LSG1: variants seen among roughly 807,000 people sequenced by gnomAD.
The protein encoded by LSG1 is large subunit GTPase 1 homolog.
In LSG1, 55 loss-of-function variants were observed where a neutral mutation model predicts 82.6. The ratio of observed to expected loss-of-function variants is 0.67; its 90% CI spans 0.54 to 0.83. The LOEUF (loss-of-function observed/expected upper bound fraction) is 0.83, where lower values mean the gene tolerates loss of function less well. Ranked by LOEUF, LSG1 falls within the 40% of genes least tolerant of loss-of-function variation. The probability of loss-of-function intolerance (pLI) is 0.00; values close to 1 mark genes in which losing one functional copy is unlikely to be tolerated. For missense variants in LSG1, 809 were observed against 807.9 expected (o/e 1.00, Z -0.02); for synonymous variants, 272 against 282.5 (o/e 0.96, Z 0.37).
Position 194,658,179 on chromosome 3 carries a change from C to T in LSG1, c.759+778G>A, listed in dbSNP as rs572830460. ...ATTATTATTTTGAGACAGAGTTTCG[C>T]TCTTGTTGCCCAGGCTGGAGTGCAC... is the stretch of plus-strand genomic sequence containing the variant. On this transcript the variant is annotated intron_variant, in intron 7 of 13. Coordinates refer to ENST00000265245, the MANE Select transcript of LSG1 (RefSeq NM_018385.3). Among the ~76,000 whole-genome samples, 8 of 152,270 alleles carry T rather than the reference C, an allele frequency of 5.3e-5. No individual in the cohort carries two copies. The East Asian group carries it at 1.4e-3, about 26-fold the overall frequency.
chr3:194,653,614 G>C (rs537978955), intron 7 of LSG1, among the ~76,000 whole-genome samples: 1 of 152,164 alleles, frequency 6.6e-6, no homozygotes, highest in Non-Finnish European at 1.5e-5. Context: ...GTTCAGTGCC[G>C]TGACAGACAA....
chr3:194,654,051 G>C (rs1718742766), intron 7 of LSG1, among the ~76,000 whole-genome samples: 1 of 152,224 alleles, frequency 6.6e-6, no homozygotes, highest in African/African-American at 2.4e-5. Flanking sequence ...TCTGCACAAA[G>C]CAAGGGCAGA....
chr3:194,665,600 T>G lies in LSG1; in HGVS notation c.478A>C (p.Asn160His). The change falls in exon 5 of 14, where the codon AAT (asparagine) becomes CAT (histidine). Residue 160 changes from asparagine to histidine, a missense_variant. By Grantham distance (68) the Asn-to-His change is moderately conservative (BLOSUM62 1). Transcript: ENST00000265245. ...CAGAGCTGGCGCCAAAAGTCCAAAT[T>G]TCGTTCAAATGGAGTCAATATCAGC... Reference protein sequence around the residue: ...QKLILTPFERNLDFWRQLWRV... With the variant: ...QKLILTPFERHLDFWRQLWRV... 1 of 1,613,500 alleles carries G rather than the reference T, an allele frequency of 6.2e-7. No homozygotes were observed. Among genetic ancestry groups the G allele is most frequent in the Non-Finnish European group, 8.5e-7 (1 of 1,179,826 alleles).
rs763071707 is a variant in LSG1, at chr3:194,646,192, G to T, written c.1595C>A (p.Ala532Glu). ...GACATAGTCCTTCAGGATGTAGCGC[G>T]CAGATCGAGGCTGGTCTGGCTGTCC... ...AHGQPDQPRSARYILKDYVSG... is the reference protein window; with the variant it reads ...AHGQPDQPRSERYILKDYVSG... The change falls in exon 12 of 14, where the codon GCG (alanine) becomes GAG (glutamate). Residue 532 changes from alanine to glutamate, a missense_variant. Ala to Glu is a moderately radical substitution (Grantham distance 107). Transcript: ENST00000265245. 4 of 1,614,088 alleles carry T rather than the reference G, an allele frequency of 2.5e-6. 1 individual carries two copies. The Middle Eastern group carries it at 6.6e-4, about 266-fold the overall frequency.
At chr3:194,668,890 G>C (rs1003062686) in intron 2 of LSG1, among the ~76,000 whole-genome samples, 1 of 146,738 alleles carries the variant, frequency 6.8e-6, no homozygotes, top group African/African-American at 2.5e-5. Flanking sequence ...AGAGGGAAAT[G>C]TTGACACTTG....
intron 7 of LSG1, among the ~76,000 whole-genome samples, chr3:194,654,690 A>G (rs1296871497): frequency 6.6e-6 from 1 of 152,214 alleles, no homozygotes; most frequent in Non-Finnish European, 1.5e-5. Context: ...CTGAACATGA[A>G]TGTGTAGTAG....
In LSG1 at chr3:194,657,679, C is replaced by T. The variant is rs907730017; in HGVS notation, c.759+1278G>A. On this transcript the variant is annotated intron_variant, in intron 7 of 13. Transcript: ENST00000265245. ...GCTAGTTTTGCCTGTGGTCCTGACG[C>T]AAGAAGACAGGCACCCAGGATGGGT... 2.0e-5 allele frequency among the ~76,000 whole-genome samples: 3 copies of T among 152,084 alleles called. No homozygotes were observed. The East Asian group carries it at 5.8e-4, about 29-fold the overall frequency.
intron 11 of LSG1, among the ~76,000 whole-genome samples, chr3:194,648,377 C>T (rs1718597895): frequency 6.6e-6 from 1 of 152,066 alleles, no homozygotes; most frequent in Non-Finnish European, 1.5e-5. Context: ...TCATTTTCTT[C>T]CACACATCCG....
intron 7 of LSG1, among the ~76,000 whole-genome samples, chr3:194,657,016 G>A (rs1050877121): frequency 6.6e-6 from 1 of 151,938 alleles, no homozygotes; most frequent in Non-Finnish European, 1.5e-5. Flanking sequence ...GGGGAGAGGG[G>A]AGGGATAACA....
In LSG1 at chr3:194,645,531, G is replaced by GACAC. The variant is rs1718511520; in HGVS notation, c.1623+632_1623+633insGTGT. On this transcript the variant is annotated intron_variant, in intron 12 of 13. Coordinates refer to ENST00000265245, the MANE Select transcript of LSG1 (RefSeq NM_018385.3). ...ACACACACACACACACACACACACA[G>GACAC]ACAGACACACACACACACACACACA... 2.8e-4 allele frequency: 10 copies of GACAC among 35,114 alleles called. 2 individuals carry two copies. The highest frequency in any genetic ancestry group is 1.1e-3 in the African/African-American group (8 of 7,354). The allele number at this position is 35,114 out of a possible 1,614,324, so 2.2% of individuals were successfully genotyped here.
Position 194,665,548 on chromosome 3 carries a change from A to G in LSG1, c.521+9T>C. 2.5e-6 allele frequency: 4 copies of G among 1,599,296 alleles called. No individual in the cohort carries two copies. Among genetic ancestry groups the G allele is most frequent in the Non-Finnish European group, 3.4e-6 (4 of 1,172,434 alleles). On this transcript the variant is annotated intron_variant, in intron 5 of 13. Coordinates refer to ENST00000265245, the MANE Select transcript of LSG1 (RefSeq NM_018385.3). Reference sequence around the variant, plus strand: ...TGTCTTTATTACACAAAAGAAAATGATAATTCACCTTCTCTCAATGACTCT... The same window carrying G: ...TGTCTTTATTACACAAAAGAAAATGGTAATTCACCTTCTCTCAATGACTCT...
chr3:194,650,107 A>C (rs1718643961), intron 10 of LSG1, among the ~76,000 whole-genome samples: 1 of 152,036 alleles, frequency 6.6e-6, no homozygotes, highest in Admixed American at 6.6e-5. Context: ...TTTAGTAGAG[A>C]CAGGGTTTCG....
At chr3:194,646,128 G>C (rs1035329828) in intron 12 of LSG1, 36 bp downstream of exon 12, 53 of 1,587,824 alleles carry the variant, frequency 3.3e-5, no homozygotes, top group Non-Finnish European at 4.3e-5. Context: ...GAAAAGACTT[G>C]TGTATTGGAG....
intron 8 of LSG1, among the ~76,000 whole-genome samples, chr3:194,652,037 A>G (rs1034139980): frequency 2.0e-5 from 3 of 152,238 alleles, no homozygotes; most frequent in Admixed American, 2.0e-4. Flanking sequence ...TACACTTAGC[A>G]TGTAACTGAA....
intron 13 of LSG1, 63 bp downstream of exon 13, chr3:194,644,510 C>T: frequency 7.7e-7 from 1 of 1,300,280 alleles, no homozygotes; most frequent in Non-Finnish European, 1.1e-6. Flanking sequence ...GCATGTGATA[C>T]TCAATAAAGC....
chr3:194,669,452 TC>T (rs1719099013), intron 2 of LSG1, among the ~76,000 whole-genome samples: 1 of 152,202 alleles, frequency 6.6e-6, no homozygotes, highest in African/African-American at 2.4e-5. Context: ...CTTTGTTCTC[TC>T]CAGAATCTGG....
chr3:194,655,597 T>C (rs559013608), intron 7 of LSG1, among the ~76,000 whole-genome samples: 37 of 152,346 alleles, frequency 2.4e-4, no homozygotes, highest in Admixed American at 3.9e-4. Context: ...TTTTATTAAC[T>C]GATTAATTTT....
Position 194,652,963 on chromosome 3 carries a change from C to T in LSG1, c.939G>A (p.Glu313=), listed in dbSNP as rs2108617456. 1.2e-6 allele frequency: 2 copies of T among 1,614,164 alleles called. No individual in the cohort carries two copies. Among genetic ancestry groups the T allele is most frequent in the East Asian group, 2.2e-5 (1 of 44,876 alleles). The part of the protein sequence containing the change: ...DDSEYEDCPE[E]EEDDWQTCSE... ...AGCACGTCTGCCAGTCGTCTTCCTCCTCCTCTGGACAGTCCTCATACTCAC... is the reference window on the plus strand; with the variant it reads ...AGCACGTCTGCCAGTCGTCTTCCTCTTCCTCTGGACAGTCCTCATACTCAC... The change falls in exon 8 of 14, where the codon GAG becomes GAA. Residue 313 remains glutamate, a synonymous_variant. Coordinates refer to ENST00000265245, the MANE Select transcript of LSG1 (RefSeq NM_018385.3).
At chr3:194,668,699 G>T (rs1409330528) in intron 2 of LSG1, among the ~76,000 whole-genome samples, 1 of 152,118 alleles carries the variant, frequency 6.6e-6, no homozygotes, top group East Asian at 1.9e-4. Context: ...AAATTCATCA[G>T]TGATCTTTTA....
Sources: gnomAD v4.1 joint callset for allele counts (sites outside exome capture counted in the v4.1 genomes callset) on GRCh38, gnomAD v4.1.1 for gene constraint, MANE v1.5 for transcripts, NCBI Gene and HGNC (gene_info 2026-07-23, HGNC 2026-07-21) for gene names.